The following KDM4C variants were observed in gnomAD, a reference collection of about 807,000 sequenced individuals.
KDM4C encodes lysine demethylase 4C, also known as lysine-specific demethylase 4C.
A neutral mutation model predicts 129.3 loss-of-function variants in KDM4C; 81 were observed. The observed-to-expected ratio is 0.63, with a 90% CI of 0.52 to 0.75. KDM4C has a LOEUF of 0.75. Ranked by LOEUF, KDM4C falls within the 30% of genes least tolerant of loss-of-function variation. The probability of loss-of-function intolerance (pLI) is 0.00; values close to 1 mark genes in which losing one functional copy is unlikely to be tolerated. For synonymous variants in KDM4C, 573 were observed against 456.1 expected (o/e 1.26, Z -3.26); for missense variants, 1,457 against 1,304.0 (o/e 1.12, Z -1.81).
intron 8 of KDM4C, among the ~76,000 whole-genome samples, chr9:6,922,316 G>A (rs1458412355): frequency 2.0e-5 from 3 of 152,150 alleles, no homozygotes; most frequent in African/African-American, 7.2e-5. Flanking sequence ...CATGTGCATA[G>A]TACTATCATG....
At chr9:6,882,931 G>C (rs1844701241) in intron 6 of KDM4C, among the ~76,000 whole-genome samples, 1 of 152,106 alleles carries the variant, frequency 6.6e-6, no homozygotes, top group Non-Finnish European at 1.5e-5. Context: ...GTAGATAAAG[G>C]TCAATGGGTG....
chr9:7,155,947 A>G (rs1239520615), intron 19 of KDM4C, among the ~76,000 whole-genome samples: 1 of 152,222 alleles, frequency 6.6e-6, no homozygotes, highest in Non-Finnish European at 1.5e-5. Context: ...GTCTTCCACA[A>G]TGGTTGAACT....
At chr9:6,790,883 G>A (rs1276764251) in intron 1 of KDM4C, among the ~76,000 whole-genome samples, 1 of 152,088 alleles carries the variant, frequency 6.6e-6, no homozygotes, top group East Asian at 1.9e-4. Flanking sequence ...TTTATTGACA[G>A]CGAGATTAAG....
intron 8 of KDM4C, among the ~76,000 whole-genome samples, chr9:6,931,637 A>G (rs1337880468): frequency 1.3e-5 from 2 of 152,122 alleles, no homozygotes; most frequent in Non-Finnish European, 2.9e-5. Context: ...AGTAGCTGGG[A>G]CTACAGGCAT....
intron 8 of KDM4C, among the ~76,000 whole-genome samples, chr9:6,962,055 A>G (rs1830138164): frequency 6.6e-6 from 1 of 152,338 alleles, no homozygotes. Flanking sequence ...GAGGAACCCT[A>G]GAGTCACAGT....
intron 18 of KDM4C, among the ~76,000 whole-genome samples, chr9:7,112,256 G>T (rs946085594): frequency 6.6e-6 from 1 of 152,148 alleles, no homozygotes; most frequent in African/African-American, 2.4e-5. Flanking sequence ...AAATTTAGGG[G>T]AGTTCTGCTT....
chr9:7,125,334 A>G (rs1668703550), intron 18 of KDM4C, among the ~76,000 whole-genome samples: 1 of 152,324 alleles, frequency 6.6e-6, no homozygotes, highest in Non-Finnish European at 1.5e-5. Flanking sequence ...TGTAGATGGC[A>G]TGCTAGAATG....
intron 1 of KDM4C, chr9:6,723,989 A>G (rs1817046088): frequency 6.6e-6 from 1 of 152,250 alleles, no homozygotes; most frequent in South Asian, 2.1e-4. Flanking sequence ...TGCCATAATT[A>G]AAACAGTGAT....
chr9:7,076,665 C>T, intron 17 of KDM4C: 5 of 1,309,246 alleles, frequency 3.8e-6, no homozygotes, highest in East Asian at 2.9e-5. Flanking sequence ...CTGTCATTTT[C>T]CTCTGGATCC....
In KDM4C at chr9:7,092,851, T is replaced by A. The variant is rs150179433; in HGVS notation, c.2425-10834T>A. Among the ~76,000 whole-genome samples the A allele has an allele frequency of 5.6e-3, 857 of 152,270 alleles. 33 individuals are homozygous for A. Among genetic ancestry groups the A allele is most frequent in the Admixed American group, 0.048 (734 of 15,288 alleles). ...CATCTGCTTGGGTAACTGACTGTTC[T>A]GTTTGAAGAGATCTCACAGAAATGG... On this transcript the variant is annotated intron_variant, in intron 17 of 21. Transcript: ENST00000381309.
At chr9:6,888,361 T>A (rs1563763112) in intron 7 of KDM4C, among the ~76,000 whole-genome samples, 1 of 152,230 alleles carries the variant, frequency 6.6e-6, no homozygotes, top group Non-Finnish European at 1.5e-5. Context: ...TTTTTATGAG[T>A]AACATAATTT....
intron 18 of KDM4C, among the ~76,000 whole-genome samples, chr9:7,119,101 G>A (rs1350774191): frequency 2.6e-5 from 4 of 152,024 alleles, no homozygotes; most frequent in Admixed American, 6.6e-5. Flanking sequence ...TTAGATTCCC[G>A]TGTCAGGTTA....
chr9:7,038,689 A>G (rs1163126230), intron 15 of KDM4C, among the ~76,000 whole-genome samples: 1 of 152,104 alleles, frequency 6.6e-6, no homozygotes, highest in Non-Finnish European at 1.5e-5. Context: ...GATTATAAGA[A>G]GTCAGCCTGC....
intron 19 of KDM4C, among the ~76,000 whole-genome samples, chr9:7,144,915 G>C (rs1337548126): frequency 1.3e-5 from 2 of 152,262 alleles, no homozygotes; most frequent in Non-Finnish European, 2.9e-5. Context: ...TGTCTTTGCA[G>C]TTGTAGCTTT....
intron 12 of KDM4C, among the ~76,000 whole-genome samples, chr9:6,992,322 A>G (rs1818901738): frequency 6.6e-6 from 1 of 152,192 alleles, no homozygotes; most frequent in South Asian, 2.1e-4. Flanking sequence ...TTCTGATTTC[A>G]GTTTGTATAG....
chr9:6,793,205 T>G (rs2130881037), intron 2 of KDM4C, 73 bp downstream of exon 2: 3 of 1,510,662 alleles, frequency 2.0e-6, no homozygotes, highest in Non-Finnish European at 2.7e-6. Flanking sequence ...TTTTCACGAT[T>G]TGGGACATTG....
intron 8 of KDM4C, among the ~76,000 whole-genome samples, chr9:6,960,474 G>A (rs1207046329): frequency 6.6e-6 from 1 of 151,724 alleles, no homozygotes; most frequent in Non-Finnish European, 1.5e-5. Context: ...TCCCAGGATG[G>A]TCTAAAACTC....
chr9:6,757,885 G>T, upstream of KDM4C: 1 of 985,522 alleles, frequency 1.0e-6, no homozygotes, highest in Non-Finnish European at 1.2e-6. Flanking sequence ...GAGCGTGCCG[G>T]GCACCTTTAA....
At chr9:6,741,571 G>C (rs1817697513) in intron 1 of KDM4C, among the ~76,000 whole-genome samples, 1 of 151,808 alleles carries the variant, frequency 6.6e-6, no homozygotes, top group Non-Finnish European at 1.5e-5. Context: ...TTATTCAGAG[G>C]AGTTTTGTTT....
Sources: gnomAD v4.1 joint callset for allele counts (sites outside exome capture counted in the v4.1 genomes callset) on GRCh38, gnomAD v4.1.1 for gene constraint, MANE v1.5 for transcripts, NCBI Gene and HGNC (gene_info 2026-07-23, HGNC 2026-07-21) for gene names.